SLK: variants seen among roughly 807,000 people sequenced by gnomAD.
SLK encodes the protein STE20 like kinase, also known as STE20-like serine/threonine-protein kinase.
Under a neutral mutation model 147.7 loss-of-function variants are expected in SLK, and 67 were observed. The observed-to-expected ratio is 0.45, with a 90% CI of 0.37 to 0.56. The LOEUF (loss-of-function observed/expected upper bound fraction) is 0.56, where lower values mean the gene tolerates loss of function less well. Ranked by LOEUF, SLK falls within the 20% of genes least tolerant of loss-of-function variation. The pLI, the probability that SLK is intolerant of heterozygous loss-of-function variation, is 0.00. For synonymous variants in SLK, 441 were observed against 475.0 expected (o/e 0.93, Z 0.93); for missense variants, 1,136 against 1,438.8 (o/e 0.79, Z 3.41).
chr10:103,986,834 A>G (rs117393981), intron 1 of SLK, among the ~76,000 whole-genome samples: 5,097 of 152,066 alleles, frequency 0.034, 145 homozygotes, highest in South Asian at 0.11. Context: ...ATCCGCCACC[A>G]TGCCTGGTTA....
intron 1 of SLK, among the ~76,000 whole-genome samples, chr10:103,987,484 T>G (rs1431095729): frequency 6.6e-6 from 1 of 151,722 alleles, no homozygotes; most frequent in Non-Finnish European, 1.5e-5. Context: ...GGTGCTTTGA[T>G]GAGTATTTTT....
chr10:104,023,259 G>T (rs805677), intron 18 of SLK, among the ~76,000 whole-genome samples: 142,897 of 152,312 alleles, frequency 0.94, 67,564 homozygotes, highest in East Asian at 1. Context: ...TTTTGCCCCT[G>T]TAGTAAAGAA....
chr10:103,995,922 A>T (rs1286727644), intron 4 of SLK, among the ~76,000 whole-genome samples: 1 of 152,230 alleles, frequency 6.6e-6, no homozygotes, highest in African/African-American at 2.4e-5. Context: ...TTTAAAATCT[A>T]ACCTCTGTAA....
chr10:104,021,251 A>T (rs1470871270), intron 17 of SLK, among the ~76,000 whole-genome samples: 1 of 152,226 alleles, frequency 6.6e-6, no homozygotes, highest in East Asian at 1.9e-4. Flanking sequence ...TTTTACAGGA[A>T]TAGATCTATT....
At position 104,003,258 on chromosome 10, in the gene SLK, C is replaced by G; in HGVS notation, c.2080C>G (p.Pro694Ala). Residue 694 changes from proline (P) to alanine (A), a missense_variant, in exon 9 of 19, where the codon CCT (proline) becomes GCT (alanine). Pro to Ala is a conservative substitution (Grantham distance 27). Coordinates refer to ENST00000369755, the MANE Select transcript of SLK (RefSeq NM_014720.4). ...AATTCCAGTGTCAATTAAAAAAGAG[C>G]CTGAAGTTACTGTAGTTTCACAGCC... ...KEIPVSIKKEPEVTVVSQPTE... is the reference protein window; with the variant it reads ...KEIPVSIKKEAEVTVVSQPTE... 6.2e-7 allele frequency: 1 copy of G among 1,613,484 alleles called. No individual in the cohort carries two copies. Among genetic ancestry groups the G allele is most frequent in the South Asian group, 1.1e-5 (1 of 91,006 alleles).
At chr10:103,973,239 T>C (rs1843817465) in intron 1 of SLK, among the ~76,000 whole-genome samples, 1 of 152,160 alleles carries the variant, frequency 6.6e-6, no homozygotes, top group Non-Finnish European at 1.5e-5. Flanking sequence ...AGTTTCATTT[T>C]TTTCCCCATA....
intron 1 of SLK, among the ~76,000 whole-genome samples, chr10:103,984,807 TA>T (rs1270518574): frequency 6.6e-6 from 1 of 152,198 alleles, no homozygotes. Context: ...AAATTGTAAG[TA>T]CCCCAGCACA....
Position 103,999,916 on chromosome 10 carries a change from G to A in SLK, c.832G>A (p.Asp278Asn), listed in dbSNP as rs985845927. The A allele has an allele frequency of 5.1e-6, 8 of 1,563,510 alleles. No homozygotes were observed. Among genetic ancestry groups the A allele is most frequent in the Non-Finnish European group, 7.0e-6 (8 of 1,142,642 alleles). ...FLKKCLEKNV[D>N]ARWTTSQLLQ... ...AAAGAAATGCTTAGAAAAGAATGTG[G>A]ATGCCAGGTGGACTACATCTCAGCT... is the stretch of plus-strand genomic sequence containing the variant. The change falls in exon 7 of 19, where the codon GAT (aspartate) becomes AAT (asparagine). Residue 278 changes from aspartate to asparagine, a missense_variant. Transcript: ENST00000369755.
chr10:104,018,725 A>G (rs1844496408), intron 14 of SLK, 59 bp from the exon 15 acceptor site: 2 of 1,538,284 alleles, frequency 1.3e-6, no homozygotes, highest in East Asian at 2.3e-5. Flanking sequence ...TAAAATGAAG[A>G]GCAAAGTACA....
intron 13 of SLK, among the ~76,000 whole-genome samples, chr10:104,016,896 A>G (rs750707851): frequency 2.6e-5 from 4 of 152,222 alleles, no homozygotes; most frequent in Non-Finnish European, 5.9e-5. Flanking sequence ...GGGGATTGCA[A>G]GTGAAATTCT....
chr10:103,970,776 AAC>A (rs1221652378), intron 1 of SLK, among the ~76,000 whole-genome samples: 1 of 152,240 alleles, frequency 6.6e-6, no homozygotes. Context: ...AGAAATTAGT[AAC>A]TGTTACAAAG....
intron 13 of SLK, among the ~76,000 whole-genome samples, chr10:104,015,932 T>C (rs1313442955): frequency 6.6e-6 from 1 of 152,156 alleles, no homozygotes; most frequent in Non-Finnish European, 1.5e-5. Flanking sequence ...TTTAATCCTG[T>C]ATGTAAACCA....
intron 1 of SLK, among the ~76,000 whole-genome samples, chr10:103,971,905 T>C (rs1407505025): frequency 1.3e-5 from 2 of 152,218 alleles, no homozygotes; most frequent in African/African-American, 2.4e-5. Context: ...ATCTTCTCTC[T>C]CCCTAAAGGA....
In SLK at chr10:104,011,512, C is replaced by T. The variant is rs999707056; in HGVS notation, c.2877+604C>T. Among the ~76,000 whole-genome samples the T allele has an allele frequency of 5.9e-5, 9 of 151,990 alleles. No homozygotes were observed. The South Asian group carries it at 1.7e-3, about 28-fold the overall frequency. On this transcript the variant is annotated intron_variant, in intron 13 of 18. Coordinates refer to ENST00000369755, the MANE Select transcript of SLK (RefSeq NM_014720.4). ...TTTACCTATATAGAGTTTAAAGCAA[C>T]CCAATCTAGGTTATGATAAAGTTAA...
chr10:103,973,008 G>T (rs933603067), intron 1 of SLK, among the ~76,000 whole-genome samples: 1 of 152,076 alleles, frequency 6.6e-6, no homozygotes, highest in Non-Finnish European at 1.5e-5. Context: ...TCTCACTGTA[G>T]TGTCTTTTTA....
Position 104,025,864 on chromosome 10 carries a change from TG to T in SLK, c.*145del, listed in dbSNP as rs1844591954. On this transcript the variant is annotated 3_prime_UTR_variant, in exon 19 of 19. Coordinates refer to ENST00000369755, the MANE Select transcript of SLK (RefSeq NM_014720.4). ...TTTTCCTTTTTTGTTTTTTTTGTTT[TG>T]TTTTGTTTTTAAGCAAAGATGAAGG... 7 of 715,528 alleles carry T rather than the reference TG, an allele frequency of 9.8e-6. 1 individual carries two copies. The highest frequency in any genetic ancestry group is 1.3e-5 in the Non-Finnish European group (6 of 462,092). The allele number at this position is 715,528 out of a possible 1,614,324, so 44.3% of individuals were successfully genotyped here.
chr10:103,992,141 G>GTTTTTTTTTT (rs56381345), intron 2 of SLK, among the ~76,000 whole-genome samples: 1,303 of 91,742 alleles, frequency 0.014, 205 homozygotes, highest in African/African-American at 0.035. Flanking sequence ...TATTTCTTCT[G>GTTTTTTTTTT]TTTTTTTTTT....
chr10:104,011,602 C>G (rs1844401426), intron 13 of SLK, among the ~76,000 whole-genome samples: 1 of 151,074 alleles, frequency 6.6e-6, no homozygotes, highest in Non-Finnish European at 1.5e-5. Flanking sequence ...CGCTCTGTCT[C>G]CAGGCTGGAG....
At chr10:103,981,365 G>A (rs1310936586) in intron 1 of SLK, among the ~76,000 whole-genome samples, 4 of 152,040 alleles carry the variant, frequency 2.6e-5, no homozygotes, top group Non-Finnish European at 2.9e-5. Flanking sequence ...GTCCAGTTCC[G>A]TGTTTTCTTT....
Sources: gnomAD v4.1 joint callset for allele counts (sites outside exome capture counted in the v4.1 genomes callset) on GRCh38, gnomAD v4.1.1 for gene constraint, MANE v1.5 for transcripts, NCBI Gene and HGNC (gene_info 2026-07-23, HGNC 2026-07-21) for gene names.